ZBED6: variants seen among roughly 807,000 people sequenced by gnomAD.
ZBED6 encodes the protein zinc finger BED domain-containing protein 6.
ZBED6 carries 40 observed loss-of-function variants against 58.4 expected under a neutral mutation model. The ratio of observed to expected loss-of-function variants is 0.68; its 90% CI spans 0.53 to 0.89. The LOEUF is 0.89. ZBED6 is among the 40% of genes least tolerant of loss of function. The pLI is 0.00. For synonymous variants in ZBED6, 439 were observed against 350.6 expected (o/e 1.25, Z -2.82); for missense variants, 1,057 against 1,003.9 (o/e 1.05, Z -0.71).
exon 17 of ZBED6, chr1:203,854,060 C>T (rs1419399063): frequency 6.6e-6 from 1 of 152,586 alleles, no homozygotes; most frequent in Non-Finnish European, 1.5e-5. Flanking sequence ...ATTATTTGAA[C>T]CATTTGCCCT....
exon 1 of ZBED6, chr1:203,800,740 C>T (rs1202384873): frequency 8.5e-6 from 2 of 236,182 alleles, no homozygotes; most frequent in East Asian, 8.4e-5. Flanking sequence ...ATTGAAAGGC[C>T]TTAGGCTTTC....
At chr1:203,836,458 A>C (rs1281047610) in intron 9 of ZBED6, among the ~76,000 whole-genome samples, 1 of 152,200 alleles carries the variant, frequency 6.6e-6, no homozygotes, top group African/African-American at 2.4e-5. Flanking sequence ...ACAGTGTAAT[A>C]AAACTAGAAG....
intron 3 of ZBED6, among the ~76,000 whole-genome samples, chr1:203,826,378 ATAAT>A (rs67046111): frequency 0.061 from 9,213 of 151,052 alleles, 807 homozygotes; most frequent in East Asian, 0.4. Context: ...TTGATTAATA[ATAAT>A]TAATTCTTTT....
intron 2 of ZBED6, among the ~76,000 whole-genome samples, 180 bp downstream of exon 2, chr1:203,817,304 A>G (rs1553262262): frequency 6.6e-6 from 1 of 151,764 alleles, no homozygotes; most frequent in East Asian, 1.9e-4. Context: ...TTTTCTTTTC[A>G]TTTTATATAT....
chr1:203,831,658 C>T lies in ZBED6; in HGVS notation c.*3400-3C>T. 1 of 1,609,962 alleles carries T rather than the reference C, an allele frequency of 6.2e-7. No individual in the cohort carries two copies. On this transcript the variant is annotated splice_polypyrimidine_tract_variant and splice_region_variant and intron_variant, in intron 7 of 16. Coordinates refer to ENST00000550078, the Ensembl canonical transcript of ZBED6. ...TTGCTGTTCTTTGACTTGCCTTATTCAGAGGGTTCTTCAGGAGTTTCCAGT... is the reference window on the plus strand; with the variant it reads ...TTGCTGTTCTTTGACTTGCCTTATTTAGAGGGTTCTTCAGGAGTTTCCAGT...
intron 3 of ZBED6, among the ~76,000 whole-genome samples, chr1:203,821,970 G>A (rs1678896289): frequency 6.6e-6 from 1 of 152,094 alleles, no homozygotes; most frequent in Non-Finnish European, 1.5e-5. Flanking sequence ...TGTTAGCCAG[G>A]ATGGTCTCGA....
intron 10 of ZBED6, among the ~76,000 whole-genome samples, chr1:203,838,954 C>CAAAAAAAA (rs59033094): frequency 1.3e-4 from 13 of 97,922 alleles, no homozygotes; most frequent in African/African-American, 4.7e-4. Flanking sequence ...GACTTCATCT[C>CAAAAAAAA]AAAAAAAAAA....
At chr1:203,835,399 C>T (rs75245892) in intron 9 of ZBED6, among the ~76,000 whole-genome samples, 2,790 of 152,160 alleles carry the variant, frequency 0.018, 77 homozygotes, top group African/African-American at 0.063. Context: ...ATACATTACA[C>T]GTTATACAGT....
intron 3 of ZBED6, 123 bp downstream of exon 3, chr1:203,818,812 G>A: frequency 6.2e-6 from 9 of 1,442,386 alleles, no homozygotes; most frequent in Non-Finnish European, 7.5e-6. Context: ...GCTCATGCCT[G>A]TAGTTCCAGC....
chr1:203,814,020 A>G (rs1342202965), intron 1 of ZBED6, among the ~76,000 whole-genome samples: 1 of 151,852 alleles, frequency 6.6e-6, no homozygotes, highest in East Asian at 1.9e-4. Flanking sequence ...TAAATTTTCA[A>G]GTTCAGATTC....
intron 3 of ZBED6, among the ~76,000 whole-genome samples, chr1:203,820,951 C>G (rs116315504): frequency 6.6e-6 from 1 of 151,800 alleles, no homozygotes; most frequent in Non-Finnish European, 1.5e-5. Context: ...GACCCTTTAC[C>G]CCGTTTCTCA....
intron 1 of ZBED6, chr1:203,806,182 GC>G: frequency 2.1e-6 from 1 of 477,682 alleles, no homozygotes; most frequent in Non-Finnish European, 4.2e-6. Context: ...AGTGGATTCT[GC>G]CCTGCTGTCC....
chr1:203,852,467 C>T lies in ZBED6; in HGVS notation c.*5200C>T, dbSNP rs188734964. 3.2e-6 allele frequency: 5 copies of T among 1,540,046 alleles called. No individual in the cohort carries two copies. The East Asian group carries it at 1.1e-4, about 35-fold the overall frequency. On this transcript the variant is annotated 3_prime_UTR_variant, in exon 17 of 17. Transcript: ENST00000550078. Reference sequence around the variant, plus strand: ...CTGGACTTAGTTTCATCTATTGTAACATTTACCTGAGATGATCATTTCTTT... The same window carrying T: ...CTGGACTTAGTTTCATCTATTGTAATATTTACCTGAGATGATCATTTCTTT...
chr1:203,828,213 T>A (rs1681191539), intron 3 of ZBED6, 86 bp from the exon 4 acceptor site: 3 of 1,534,944 alleles, frequency 2.0e-6, no homozygotes, highest in Non-Finnish European at 2.7e-6. Flanking sequence ...TTGAACCCTG[T>A]ATGAACTTTG....
intron 6 of ZBED6, 28 bp from the exon 7 acceptor site, chr1:203,830,095 C>G (rs373144322): frequency 1.3e-6 from 2 of 1,547,680 alleles, no homozygotes; most frequent in South Asian, 2.3e-5. Context: ...GCTCCCGTTC[C>G]TCATAAAATT....
intron 1 of ZBED6, among the ~76,000 whole-genome samples, chr1:203,812,641 G>A (rs1674912091): frequency 7.1e-6 from 1 of 140,070 alleles, no homozygotes; most frequent in Admixed American, 7.6e-5. Context: ...GAGTATAGTG[G>A]CATGATCTCG....
intron 11 of ZBED6, among the ~76,000 whole-genome samples, chr1:203,840,720 A>G (rs963181634): frequency 1.3e-5 from 2 of 151,722 alleles, no homozygotes; most frequent in African/African-American, 2.4e-5. Context: ...TGCAACCTCC[A>G]CCTCCTGGGT....
chr1:203,823,293 T>C (rs1271996270), intron 3 of ZBED6, among the ~76,000 whole-genome samples: 1 of 152,132 alleles, frequency 6.6e-6, no homozygotes, highest in Non-Finnish European at 1.5e-5. Flanking sequence ...GCCTGTTTTT[T>C]TATGCCCACT....
chr1:203,831,514 A>T, intron 7 of ZBED6, 147 bp from the exon 8 acceptor site: 1 of 636,720 alleles, frequency 1.6e-6, no homozygotes, highest in Non-Finnish European at 2.8e-6. Context: ...ATTTGACTGT[A>T]GGCAAACAGA....
Sources: allele counts gnomAD v4.1 joint callset (sites outside exome capture counted in the v4.1 genomes callset), GRCh38; gene constraint gnomAD v4.1.1; transcripts MANE v1.5; gene names NCBI Gene and HGNC (gene_info 2026-07-23, HGNC 2026-07-21).